MDGA2: variants seen among roughly 807,000 people sequenced by gnomAD.
MDGA2 encodes MAM domain-containing glycosylphosphatidylinositol anchor protein 2.
Under a neutral mutation model 117.8 loss-of-function variants are expected in MDGA2, and 40 were observed. The observed-to-expected ratio is 0.34, with a 90% CI of 0.26 to 0.44. The LOEUF is 0.44. Among genes scored for constraint, MDGA2 ranks in the 20% least tolerant of loss-of-function variants. The probability of loss-of-function intolerance (pLI) is 1.00; values close to 1 mark genes in which losing one functional copy is unlikely to be tolerated. For synonymous variants in MDGA2, 452 were observed against 439.0 expected (o/e 1.03, Z -0.37); for missense variants, 1,123 against 1,250.6 (o/e 0.90, Z 1.54).
intron 1 of MDGA2, among the ~76,000 whole-genome samples, chr14:47,490,050 G>A (rs1201350076): frequency 6.6e-6 from 1 of 152,118 alleles, no homozygotes; most frequent in African/African-American, 2.4e-5. Context: ...CAACAAAATT[G>A]AGACAGTGAT....
chr14:47,636,601 T>C (rs1026952214), intron 1 of MDGA2, among the ~76,000 whole-genome samples: 2 of 151,860 alleles, frequency 1.3e-5, no homozygotes, highest in African/African-American at 2.4e-5. Context: ...CTGGCCAACA[T>C]GGTGAAACCC....
chr14:47,176,338 G>C (rs537847396), intron 3 of MDGA2, among the ~76,000 whole-genome samples: 1 of 152,104 alleles, frequency 6.6e-6, no homozygotes, highest in Non-Finnish European at 1.5e-5. Context: ...AGCCGGCATT[G>C]CCAAGTCAAT....
At chr14:47,413,359 C>G (rs1892411482) in intron 1 of MDGA2, among the ~76,000 whole-genome samples, 1 of 152,112 alleles carries the variant, frequency 6.6e-6, no homozygotes, top group Non-Finnish European at 1.5e-5. Context: ...ATGTCTCATG[C>G]ATTGCATTAG....
intron 1 of MDGA2, among the ~76,000 whole-genome samples, chr14:47,430,494 T>C (rs1295203964): frequency 6.6e-6 from 1 of 152,002 alleles, no homozygotes; most frequent in Non-Finnish European, 1.5e-5. Context: ...CTTAATTAAT[T>C]TGAGTGGGAA....
At chr14:47,124,510 T>C (rs1176802293) in intron 5 of MDGA2, among the ~76,000 whole-genome samples, 1 of 152,122 alleles carries the variant, frequency 6.6e-6, no homozygotes, top group Non-Finnish European at 1.5e-5. Flanking sequence ...TTAGCATATA[T>C]TATAAACTTA....
At chr14:47,487,352 T>C (rs1894082548) in intron 1 of MDGA2, among the ~76,000 whole-genome samples, 1 of 152,224 alleles carries the variant, frequency 6.6e-6, no homozygotes, top group South Asian at 2.1e-4. Flanking sequence ...CAATAAGGAA[T>C]ATGAGTCATA....
intron 1 of MDGA2, among the ~76,000 whole-genome samples, chr14:47,328,262 A>G (rs1274437486): frequency 6.6e-6 from 1 of 152,304 alleles, no homozygotes; most frequent in African/African-American, 2.4e-5. Flanking sequence ...AAATTCCTGA[A>G]GAAACAGAAA....
chr14:47,300,791 A>G (rs1889252983), intron 2 of MDGA2, among the ~76,000 whole-genome samples: 1 of 151,766 alleles, frequency 6.6e-6, no homozygotes, highest in Admixed American at 6.6e-5. Context: ...GAGCCACCAC[A>G]CCTGGGCTTT....
intron 8 of MDGA2, among the ~76,000 whole-genome samples, chr14:46,976,553 G>A (rs1282229890): frequency 1.3e-5 from 2 of 151,634 alleles, no homozygotes; most frequent in African/African-American, 4.8e-5. Flanking sequence ...ACATTATCTA[G>A]CATGCATAAA....
intron 1 of MDGA2, among the ~76,000 whole-genome samples, chr14:47,364,566 G>A (rs958652672): frequency 6.6e-6 from 1 of 152,130 alleles, no homozygotes; most frequent in African/African-American, 2.4e-5. Context: ...GCCGGCCCCA[G>A]AATTAAATTA....
At chr14:47,587,100 G>A (rs916995311) in intron 1 of MDGA2, among the ~76,000 whole-genome samples, 29 of 151,914 alleles carry the variant, frequency 1.9e-4, no homozygotes, top group Middle Eastern at 3.4e-3. Flanking sequence ...ACAAATGGAA[G>A]CTAAATAATG....
intron 1 of MDGA2, among the ~76,000 whole-genome samples, chr14:47,379,107 A>C (rs1419317504): frequency 6.6e-6 from 1 of 152,216 alleles, no homozygotes; most frequent in East Asian, 1.9e-4. Flanking sequence ...TTTCATATCC[A>C]GCCAAACTAA....
chr14:46,856,670 G>C (rs1192995272), intron 14 of MDGA2, among the ~76,000 whole-genome samples: 7 of 151,850 alleles, frequency 4.6e-5, no homozygotes, highest in Non-Finnish European at 8.8e-5. Context: ...GTTTAATGTA[G>C]CTATTGATGT....
chr14:47,056,796 A>C (rs150359243), intron 7 of MDGA2, among the ~76,000 whole-genome samples: 1,695 of 152,264 alleles, frequency 0.011, 31 homozygotes, highest in African/African-American at 0.039. Flanking sequence ...TATTTTTGCA[A>C]ATGAGTGACA....
chr14:47,378,437 T>C (rs1203329761), intron 1 of MDGA2, among the ~76,000 whole-genome samples: 3 of 152,054 alleles, frequency 2.0e-5, no homozygotes, highest in African/African-American at 7.2e-5. Flanking sequence ...GGCAGATGTT[T>C]GAACCCATCG....
At chr14:46,872,216 A>G (rs1882032968) in intron 14 of MDGA2, among the ~76,000 whole-genome samples, 1 of 151,990 alleles carries the variant, frequency 6.6e-6, no homozygotes, top group Admixed American at 6.6e-5. Context: ...CTTAAATAAT[A>G]TGGTGGCTGA....
At chr14:46,961,632 T>C (rs1002945492) in intron 8 of MDGA2, among the ~76,000 whole-genome samples, 21 of 151,414 alleles carry the variant, frequency 1.4e-4, no homozygotes, top group African/African-American at 4.6e-4. Context: ...GTAATTGTTT[T>C]ATACTGCCTG....
intron 8 of MDGA2, among the ~76,000 whole-genome samples, chr14:47,023,754 T>G (rs1888376774): frequency 6.6e-6 from 1 of 152,200 alleles, no homozygotes; most frequent in Non-Finnish European, 1.5e-5. Flanking sequence ...CATTAGATTT[T>G]AGAATTCATA....
At chr14:47,621,792 G>A (rs1897054651) in intron 1 of MDGA2, among the ~76,000 whole-genome samples, 1 of 152,324 alleles carries the variant, frequency 6.6e-6, no homozygotes, top group East Asian at 1.9e-4. Context: ...TTCCCAAAGT[G>A]AAGAAGACAC....
Sources: gnomAD v4.1 joint callset for allele counts (sites outside exome capture counted in the v4.1 genomes callset) on GRCh38, gnomAD v4.1.1 for gene constraint, MANE v1.5 for transcripts, NCBI Gene and HGNC (gene_info 2026-07-23, HGNC 2026-07-21) for gene names.